KCNN3: variants seen among roughly 807,000 people sequenced by gnomAD.
KCNN3 encodes potassium calcium-activated channel subfamily N member 3.
In KCNN3, 16 loss-of-function variants were observed where a neutral mutation model predicts 62.9. That is an observed-to-expected ratio of 0.25 (90% CI 0.17 to 0.39). The LOEUF (loss-of-function observed/expected upper bound fraction) is 0.39. KCNN3 is among the 10% of genes least tolerant of loss of function. The pLI is 1.00. For synonymous variants in KCNN3, 370 were observed against 389.2 expected, an observed-to-expected ratio of 0.95 and a Z score of 0.58; for missense variants, 599 against 949.4, an observed-to-expected ratio of 0.63 and a Z score of 4.85.
At position 154,700,387 on chromosome 1, in the gene KCNN3, T is replaced by C. The variant is rs1423644703; in HGVS notation, c.*7589A>G. The C allele has an allele frequency of 6.6e-6, 1 of 152,238 alleles. No homozygotes were observed. The highest frequency in any genetic ancestry group is 1.5e-5 in the Non-Finnish European group (1 of 68,044). The allele number at this position is 152,238 out of a possible 1,614,324, so 9.4% of individuals were successfully genotyped here. A position where few individuals can be genotyped will look rare whatever the true frequency, so the allele number is the denominator to read the frequency against. On this transcript the variant is annotated 3_prime_UTR_variant, in exon 8 of 8. Transcript: ENST00000271915. ...TTGAATTACTGTCAAGAGGTCTGCT[T>C]TCCCCAAATGATGAATTTGCATTTG...
At chr1:154,778,036 C>T (rs1648864260) in intron 2 of KCNN3, among the ~76,000 whole-genome samples, 1 of 152,230 alleles carries the variant, frequency 6.6e-6, no homozygotes, top group Non-Finnish European at 1.5e-5. Context: ...CCTGAAGATG[C>T]AATGTGTCAG....
At chr1:154,785,185 G>C (rs1223668293) in intron 2 of KCNN3, among the ~76,000 whole-genome samples, 6 of 152,218 alleles carry the variant, frequency 3.9e-5, no homozygotes, top group East Asian at 1.9e-4. Flanking sequence ...TGAATGTTTG[G>C]GGGTAGGGGA....
At chr1:154,848,881 G>A (rs898054892) in intron 1 of KCNN3, among the ~76,000 whole-genome samples, 3 of 152,102 alleles carry the variant, frequency 2.0e-5, no homozygotes, top group African/African-American at 7.2e-5. Context: ...ACGGCAGCCC[G>A]AACACCCCCT....
chr1:154,796,398 T>C (rs1403522737), intron 2 of KCNN3, among the ~76,000 whole-genome samples: 1 of 152,196 alleles, frequency 6.6e-6, no homozygotes, highest in Non-Finnish European at 1.5e-5. Context: ...CCCACCCGTC[T>C]GGGAAGAGGT....
intron 3 of KCNN3, among the ~76,000 whole-genome samples, chr1:154,761,968 C>G (rs1000472015): frequency 6.6e-6 from 1 of 151,376 alleles, no homozygotes; most frequent in Non-Finnish European, 1.5e-5. Context: ...AACAAACAAA[C>G]AAACAAACAA....
chr1:154,794,754 G>A (rs1034687355), intron 2 of KCNN3, among the ~76,000 whole-genome samples: 4 of 152,180 alleles, frequency 2.6e-5, no homozygotes, highest in Admixed American at 2.6e-4. Context: ...ATTGTGCATG[G>A]AGGTGGCACT....
chr1:154,792,393 A>T (rs564784825), intron 2 of KCNN3, among the ~76,000 whole-genome samples: 1 of 152,350 alleles, frequency 6.6e-6, no homozygotes, highest in South Asian at 2.1e-4. Context: ...GTTCCACTGG[A>T]AACAGGTGGG....
chr1:154,861,058 G>A (rs1652752281), intron 1 of KCNN3, among the ~76,000 whole-genome samples: 1 of 148,774 alleles, frequency 6.7e-6, no homozygotes, highest in Admixed American at 6.9e-5. Context: ...GGGTTCAAGC[G>A]ATTCTCCAGC....
At chr1:154,722,742 TC>T (rs1700382376) in intron 5 of KCNN3, among the ~76,000 whole-genome samples, 1 of 146,602 alleles carries the variant, frequency 6.8e-6, no homozygotes, top group Admixed American at 6.9e-5. Context: ...TTTTTTTTTT[TC>T]TTTTTTTTGA....
At chr1:154,720,456 C>T (rs1571209549) in intron 5 of KCNN3, among the ~76,000 whole-genome samples, 1 of 152,216 alleles carries the variant, frequency 6.6e-6, no homozygotes, top group East Asian at 1.9e-4. Flanking sequence ...TTGAGCCCAA[C>T]CAGCTGTCCA....
At chr1:154,847,274 G>A (rs141364043) in intron 1 of KCNN3, among the ~76,000 whole-genome samples, 252 of 152,018 alleles carry the variant, frequency 1.7e-3, no homozygotes, top group East Asian at 7.4e-3. Context: ...CAGAGCCAGC[G>A]TGAATATCAG....
Position 154,697,831 on chromosome 1 carries a change from C to T in KCNN3, c.*10145G>A, listed in dbSNP as rs1461985414. On this transcript the variant is annotated 3_prime_UTR_variant, in exon 8 of 8. Transcript: ENST00000271915. The stretch of plus-strand genomic sequence containing the variant: ...CCTAAAGTGTGCTGAGAAATCCTAG[C>T]CTGTTTTTTCCATTTAATTCCTGTA... The T allele has an allele frequency of 3.9e-5, 6 of 152,144 alleles. No homozygotes were observed. The highest frequency in any genetic ancestry group is 1.2e-4 in the African/African-American group (5 of 41,432). The allele number at this position is 152,144 out of a possible 1,614,324, so 9.4% of individuals were successfully genotyped here.
At chr1:154,798,731 C>T (rs1278299415) in intron 2 of KCNN3, among the ~76,000 whole-genome samples, 3 of 152,168 alleles carry the variant, frequency 2.0e-5, no homozygotes, top group African/African-American at 4.8e-5. Flanking sequence ...ACCTACTTTG[C>T]AGATTAGGGG....
chr1:154,780,010 G>T (rs571088953), intron 2 of KCNN3, among the ~76,000 whole-genome samples: 1 of 152,054 alleles, frequency 6.6e-6, no homozygotes, highest in Non-Finnish European at 1.5e-5. Context: ...GACACCTCAG[G>T]ACAGGGCCGT....
intron 6 of KCNN3, among the ~76,000 whole-genome samples, chr1:154,714,263 G>GTC (rs144491642): frequency 0.093 from 4,963 of 53,562 alleles, no homozygotes; most frequent in South Asian, 0.11. Flanking sequence ...TGTGTGATGT[G>GTC]TGGTATGTGG....
At chr1:154,800,356 A>G (rs1571288837) in intron 2 of KCNN3, among the ~76,000 whole-genome samples, 1 of 152,166 alleles carries the variant, frequency 6.6e-6, no homozygotes, top group East Asian at 1.9e-4. Flanking sequence ...CTGTGCTGAT[A>G]TTGGTACACG....
chr1:154,726,111 C>T (rs1169302458), intron 4 of KCNN3, 85 bp from the exon 5 acceptor site: 32 of 998,852 alleles, frequency 3.2e-5, no homozygotes, highest in East Asian at 2.8e-4. Context: ...CTGGCGGCCA[C>T]GGGGGTAATT....
chr1:154,865,840 A>G (rs578126657), intron 1 of KCNN3, among the ~76,000 whole-genome samples: 5 of 151,762 alleles, frequency 3.3e-5, no homozygotes, highest in African/African-American at 1.2e-4. Context: ...TCACCTGGGG[A>G]AAAAAAAAGT....
Position 154,714,806 on chromosome 1 carries a change from G to A in KCNN3, c.1829+70C>T, listed in dbSNP as rs970744688. 603 of 1,595,884 alleles carry A rather than the reference G, an allele frequency of 3.8e-4. 1 individual carries two copies. The highest frequency in any genetic ancestry group is 4.8e-4 in the Non-Finnish European group (555 of 1,164,988). On this transcript the variant is annotated intron_variant, in intron 6 of 7. Transcript: ENST00000271915. Reference sequence around the variant, plus strand: ...CAGAATGGATTTCTTCTGTGCTACTGACAGAGTTGTAGGAGTCCCGCCACT... The same window carrying A: ...CAGAATGGATTTCTTCTGTGCTACTAACAGAGTTGTAGGAGTCCCGCCACT...
Sources: allele counts gnomAD v4.1 joint callset (sites outside exome capture counted in the v4.1 genomes callset), GRCh38; gene constraint gnomAD v4.1.1; transcripts MANE v1.5; gene names NCBI Gene and HGNC (gene_info 2026-07-23, HGNC 2026-07-21).